SUSD6: variants seen among roughly 807,000 people sequenced by gnomAD.
SUSD6 encodes sushi domain-containing protein 6.
A neutral mutation model predicts 28.4 loss-of-function variants in SUSD6; 16 were observed. The ratio of observed to expected loss-of-function variants is 0.56; its 90% CI spans 0.38 to 0.86. The LOEUF is 0.86. Among genes scored for constraint, SUSD6 ranks in the 40% least tolerant of loss-of-function variants. The probability of loss-of-function intolerance (pLI) is 0.00; values close to 1 mark genes in which losing one functional copy is unlikely to be tolerated. For missense variants in SUSD6, 341 were observed against 384.2 expected (o/e 0.89, Z 0.94); for synonymous variants, 147 against 159.6 (o/e 0.92, Z 0.59).
chr14:69,697,473 G>T (rs1886243282), intron 2 of SUSD6, among the ~76,000 whole-genome samples: 1 of 152,048 alleles, frequency 6.6e-6, no homozygotes, highest in South Asian at 2.1e-4. Flanking sequence ...ATGAGAAAAA[G>T]AATATAAAGT....
chr14:69,646,405 A>G (rs1186054901), intron 1 of SUSD6, among the ~76,000 whole-genome samples: 1 of 151,974 alleles, frequency 6.6e-6, no homozygotes, highest in Admixed American at 6.6e-5. Flanking sequence ...TCTATTTTGC[A>G]TGGTTTCAAC....
In SUSD6 at chr14:69,714,997, T is replaced by C. The variant is rs1433958749; in HGVS notation, c.*4018T>C. Reference sequence around the variant, plus strand: ...TCAGTTTGGGTTTGCTTTATTTTATTTTATATATATATTTTTTGGTATCCT... The same window carrying C: ...TCAGTTTGGGTTTGCTTTATTTTATCTTATATATATATTTTTTGGTATCCT... On this transcript the variant is annotated 3_prime_UTR_variant, in exon 6 of 6. Transcript: ENST00000342745. 1.3e-5 allele frequency: 2 copies of C among 152,314 alleles called. No individual in the cohort carries two copies. Among genetic ancestry groups the C allele is most frequent in the Admixed American group, 6.5e-5 (1 of 15,292 alleles). The allele number at this position is 152,314 out of a possible 1,614,324, so 9.4% of individuals were successfully genotyped here.
chr14:69,638,397 A>C (rs371891924), intron 1 of SUSD6, among the ~76,000 whole-genome samples: 1 of 144,534 alleles, frequency 6.9e-6, no homozygotes, highest in South Asian at 2.2e-4. Context: ...GTGAGTTTGA[A>C]GGTTCTGAAC....
chr14:69,661,855 A>G (rs1379200254), intron 2 of SUSD6, among the ~76,000 whole-genome samples: 2 of 152,120 alleles, frequency 1.3e-5, no homozygotes, highest in Admixed American at 1.3e-4. Flanking sequence ...GCTGGAGTGC[A>G]GTGGTACAAT....
chr14:69,678,943 G>A (rs751341886), intron 2 of SUSD6, among the ~76,000 whole-genome samples: 7 of 152,220 alleles, frequency 4.6e-5, no homozygotes, highest in South Asian at 4.1e-4. Context: ...CGGATTGTTG[G>A]AAATGCACTT....
At chr14:69,613,114 A>G (rs1333336144) in intron 1 of SUSD6, among the ~76,000 whole-genome samples, 1 of 152,228 alleles carries the variant, frequency 6.6e-6, no homozygotes, top group African/African-American at 2.4e-5. Flanking sequence ...CATCTCAGGA[A>G]AGAAGGTATT....
chr14:69,621,821 C>G (rs1294326448), intron 1 of SUSD6, among the ~76,000 whole-genome samples: 1 of 152,198 alleles, frequency 6.6e-6, no homozygotes, highest in African/African-American at 2.4e-5. Flanking sequence ...CTTTGAAGGT[C>G]TGTCCATGCT....
intron 1 of SUSD6, among the ~76,000 whole-genome samples, chr14:69,632,920 C>T (rs1885216132): frequency 6.6e-6 from 1 of 152,190 alleles, no homozygotes; most frequent in African/African-American, 2.4e-5. Context: ...CTCCACCACC[C>T]TAACCAGACC....
chr14:69,684,656 G>T (rs1343606111), intron 2 of SUSD6, among the ~76,000 whole-genome samples: 1 of 152,234 alleles, frequency 6.6e-6, no homozygotes, highest in African/African-American at 2.4e-5. Flanking sequence ...TGTGGCCAGT[G>T]GAAACATCGT....
At chr14:69,612,727 A>G (rs1200125486) in intron 1 of SUSD6, among the ~76,000 whole-genome samples, 1 of 152,214 alleles carries the variant, frequency 6.6e-6, no homozygotes, top group African/African-American at 2.4e-5. Context: ...GGCAGGCGAC[A>G]TGCTGGGCTT....
chr14:69,692,723 A>G (rs1377684010), intron 2 of SUSD6, among the ~76,000 whole-genome samples: 1 of 152,082 alleles, frequency 6.6e-6, no homozygotes, highest in African/African-American at 2.4e-5. Context: ...AGCTGGTAGG[A>G]TTGGAAATGA....
At position 69,684,933 on chromosome 14, in the gene SUSD6, CAAACTGCTGGTATAT is replaced by C. The variant is rs150171858; in HGVS notation, c.122-18453_122-18439del. 8.4e-3 allele frequency among the ~76,000 whole-genome samples: 1,283 copies of C among 152,350 alleles called. 12 individuals carry two copies. Among genetic ancestry groups the C allele is most frequent in the African/African-American group, 0.029 (1,219 of 41,566 alleles). Reference sequence around the variant, plus strand: ...AGCCTCTAGGTCCCTGATCCTGTTTCAAACTGCTGGTATATAAACTGCTCATACCACTCTGAGTTA... The same window carrying C: ...AGCCTCTAGGTCCCTGATCCTGTTTCAAACTGCTCATACCACTCTGAGTTA... On this transcript the variant is annotated intron_variant, in intron 2 of 5. Transcript: ENST00000342745.
chr14:69,665,558 T>C (rs1386348551), intron 2 of SUSD6, among the ~76,000 whole-genome samples: 1 of 152,192 alleles, frequency 6.6e-6, no homozygotes, highest in Non-Finnish European at 1.5e-5. Context: ...TGACTGACTA[T>C]AACTTTTTAA....
At chr14:69,686,083 G>C (rs115479891) in intron 2 of SUSD6, among the ~76,000 whole-genome samples, 1 of 152,196 alleles carries the variant, frequency 6.6e-6, no homozygotes, top group Admixed American at 6.5e-5. Context: ...AGTTGTAAGG[G>C]TAGGTCTTCT....
At chr14:69,661,052 C>T (rs1377416244) in intron 2 of SUSD6, among the ~76,000 whole-genome samples, 1 of 152,208 alleles carries the variant, frequency 6.6e-6, no homozygotes, top group Non-Finnish European at 1.5e-5. Flanking sequence ...CCAGCTTGGG[C>T]TTCAGAGAAC....
At chr14:69,693,461 G>C (rs1054308734) in intron 2 of SUSD6, among the ~76,000 whole-genome samples, 1 of 152,180 alleles carries the variant, frequency 6.6e-6, no homozygotes. Context: ...TACTGAACTG[G>C]AACAAGGAGA....
chr14:69,654,227 C>T (rs1050879410), intron 1 of SUSD6, among the ~76,000 whole-genome samples: 8 of 152,170 alleles, frequency 5.3e-5, no homozygotes, highest in Non-Finnish European at 1.2e-4. Flanking sequence ...ATTTCCATAC[C>T]GGCTCCTCCC....
intron 1 of SUSD6, among the ~76,000 whole-genome samples, chr14:69,618,072 A>G (rs1884985011): frequency 6.6e-6 from 1 of 152,176 alleles, no homozygotes; most frequent in South Asian, 2.1e-4. Context: ...TGCCAACCAT[A>G]TTAATGAAAT....
chr14:69,671,528 G>A (rs149483551), intron 2 of SUSD6, among the ~76,000 whole-genome samples: 51 of 152,296 alleles, frequency 3.3e-4, no homozygotes, highest in African/African-American at 1.1e-3. Context: ...GATGTACCGC[G>A]TGGGGTCCCA....
Sources: gnomAD v4.1 joint callset for allele counts (sites outside exome capture counted in the v4.1 genomes callset) on GRCh38, gnomAD v4.1.1 for gene constraint, MANE v1.5 for transcripts, NCBI Gene and HGNC (gene_info 2026-07-23, HGNC 2026-07-21) for gene names.